The following ROBO2 variants were observed in gnomAD, a reference collection of about 807,000 sequenced individuals.
The protein encoded by ROBO2 is roundabout homolog 2.
Under a neutral mutation model 160.8 loss-of-function variants are expected in ROBO2, and 53 were observed. The ratio of observed to expected loss-of-function variants is 0.33; its 90% CI spans 0.26 to 0.41. The LOEUF (loss-of-function observed/expected upper bound fraction) is 0.41. Ranked by LOEUF, ROBO2 falls within the 10% of genes least tolerant of loss-of-function variation. The pLI is 1.00. For synonymous variants in ROBO2, 664 were observed against 611.7 expected, an observed-to-expected ratio of 1.09 and a Z score of -1.26; for missense variants, 1,577 against 1,722.4, an observed-to-expected ratio of 0.92 and a Z score of 1.49.
chr3:77,358,658 T>C (rs891718351), intron 2 of ROBO2, among the ~76,000 whole-genome samples: 17 of 152,204 alleles, frequency 1.1e-4, no homozygotes, highest in Admixed American at 9.8e-4. Context: ...ACGCAGGCCA[T>C]GTTTTATTTC....
At chr3:77,142,487 T>A (rs1016013549) in intron 2 of ROBO2, among the ~76,000 whole-genome samples, 2 of 152,180 alleles carry the variant, frequency 1.3e-5, no homozygotes, top group African/African-American at 4.8e-5. Context: ...AATAACCTAA[T>A]CTTAAGGACA....
At chr3:76,400,729 TATCTGCTTTTTGTGAC>T (rs1404744482) in intron 2 of ROBO2, among the ~76,000 whole-genome samples, 2 of 151,558 alleles carry the variant, frequency 1.3e-5, no homozygotes, top group Non-Finnish European at 3.0e-5. Context: ...GCTCATTCAA[TATCTGCTTTTTGTGAC>T]ACCAAGTTCA....
intron 2 of ROBO2, among the ~76,000 whole-genome samples, chr3:76,119,767 G>A (rs2070642166): frequency 6.6e-6 from 1 of 152,004 alleles, no homozygotes; most frequent in South Asian, 2.1e-4. Flanking sequence ...ATCTTGAGCA[G>A]GTCTCATCAG....
intron 2 of ROBO2, among the ~76,000 whole-genome samples, chr3:75,938,160 TG>T (rs1222464017): frequency 6.6e-6 from 1 of 151,788 alleles, no homozygotes; most frequent in Non-Finnish European, 1.5e-5. Context: ...AATGATAGAG[TG>T]GAGCTGTAAG....
chr3:75,966,901 A>G (rs976383610), intron 2 of ROBO2, among the ~76,000 whole-genome samples: 4 of 151,690 alleles, frequency 2.6e-5, no homozygotes, highest in African/African-American at 9.7e-5. Flanking sequence ...CTAGAATTAT[A>G]TAATTTTCAC....
intron 18 of ROBO2, among the ~76,000 whole-genome samples, chr3:77,595,743 A>G (rs546360007): frequency 1.3e-5 from 2 of 152,324 alleles, no homozygotes; most frequent in East Asian, 3.9e-4. Flanking sequence ...TTTAATCAAT[A>G]TTTTAGCAAA....
At chr3:76,487,573 C>T (rs1452663310) in intron 2 of ROBO2, among the ~76,000 whole-genome samples, 1 of 152,038 alleles carries the variant, frequency 6.6e-6, no homozygotes, top group African/African-American at 2.4e-5. Flanking sequence ...CGCCAAACAC[C>T]AGTAGTCATA....
intron 2 of ROBO2, among the ~76,000 whole-genome samples, chr3:77,381,227 A>C (rs969210488): frequency 6.6e-6 from 1 of 152,176 alleles, no homozygotes; most frequent in Admixed American, 6.5e-5. Flanking sequence ...AGGCAGGAGA[A>C]TTGCTTGAAC....
At chr3:76,535,202 C>T (rs1368578203) in intron 2 of ROBO2, among the ~76,000 whole-genome samples, 1 of 151,860 alleles carries the variant, frequency 6.6e-6, no homozygotes, top group Non-Finnish European at 1.5e-5. Flanking sequence ...AGGGGTTTGG[C>T]ACAAAAGGAT....
chr3:77,648,271 C>A (rs1338109874), exon 26 of ROBO2: 3 of 152,142 alleles, frequency 2.0e-5, no homozygotes, highest in African/African-American at 7.2e-5. Flanking sequence ...TGTGTTCCCT[C>A]TTTATGTTTC....
chr3:76,586,691 T>C (rs1436147193), intron 2 of ROBO2, among the ~76,000 whole-genome samples: 1 of 152,194 alleles, frequency 6.6e-6, no homozygotes, highest in African/African-American at 2.4e-5. Flanking sequence ...TTGCACAACA[T>C]AGTATTAGAT....
chr3:77,063,093 G>A (rs2066487090), intron 1 of ROBO2, among the ~76,000 whole-genome samples: 1 of 152,148 alleles, frequency 6.6e-6, no homozygotes, highest in African/African-American at 2.4e-5. Flanking sequence ...TCAATTTTTA[G>A]CTCAGAAGTA....
At chr3:77,062,078 A>G (rs1034223729) in intron 1 of ROBO2, among the ~76,000 whole-genome samples, 2 of 152,082 alleles carry the variant, frequency 1.3e-5, no homozygotes, top group Non-Finnish European at 2.9e-5. Flanking sequence ...ACTGCATCCT[A>G]TGGTTTTGAG....
At chr3:77,154,826 G>A (rs1303674085) in intron 2 of ROBO2, among the ~76,000 whole-genome samples, 1 of 151,876 alleles carries the variant, frequency 6.6e-6, no homozygotes, top group African/African-American at 2.4e-5. Flanking sequence ...GGGTACTCAG[G>A]TACATAAAGA....
chr3:76,839,296 T>G (rs1481173227), intron 2 of ROBO2, among the ~76,000 whole-genome samples: 2 of 152,166 alleles, frequency 1.3e-5, no homozygotes, highest in Non-Finnish European at 2.9e-5. Context: ...ATAAAAGCCT[T>G]GGACTCAGAC....
At chr3:77,493,629 C>A (rs779854879) in intron 5 of ROBO2, among the ~76,000 whole-genome samples, 19 of 152,122 alleles carry the variant, frequency 1.2e-4, no homozygotes, top group Non-Finnish European at 2.4e-4. Context: ...TCCCCAGATA[C>A]CAAGGATTCC....
intron 6 of ROBO2, among the ~76,000 whole-genome samples, chr3:77,537,100 G>C (rs1199217514): frequency 2.9e-4 from 5 of 17,288 alleles, no homozygotes; most frequent in Admixed American, 9.0e-4. Flanking sequence ...CATATTTTGT[G>C]GGGGGGGGGT....
At chr3:77,453,273 C>T (rs964907351) in intron 2 of ROBO2, among the ~76,000 whole-genome samples, 1 of 152,114 alleles carries the variant, frequency 6.6e-6, no homozygotes, top group Non-Finnish European at 1.5e-5. Flanking sequence ...GCAACTTTCT[C>T]ATCACTGCAG....
At chr3:76,985,608 A>G (rs1318093349) in intron 2 of ROBO2, among the ~76,000 whole-genome samples, 1 of 148,382 alleles carries the variant, frequency 6.7e-6, no homozygotes, top group Non-Finnish European at 1.5e-5. Context: ...AAAAAAAAGA[A>G]GATAATCTAT....
Sources: gnomAD v4.1 joint callset for allele counts (sites outside exome capture counted in the v4.1 genomes callset) on GRCh38, gnomAD v4.1.1 for gene constraint, MANE v1.5 for transcripts, NCBI Gene and HGNC (gene_info 2026-07-23, HGNC 2026-07-21) for gene names.